The following DDX23 variants were observed in gnomAD, a reference collection of about 807,000 sequenced individuals.
DDX23 encodes the protein probable ATP-dependent RNA helicase DDX23.
Under a neutral mutation model 102.7 loss-of-function variants are expected in DDX23, and 33 were observed. The ratio of observed to expected loss-of-function variants is 0.32; its 90% CI spans 0.24 to 0.43. The LOEUF (loss-of-function observed/expected upper bound fraction) is 0.43, where lower values mean the gene tolerates loss of function less well. Among genes scored for constraint, DDX23 ranks in the 20% least tolerant of loss-of-function variants. The pLI, the probability that DDX23 is intolerant of heterozygous loss-of-function variation, is 1.00. For synonymous variants in DDX23, 352 were observed against 376.0 expected, an observed-to-expected ratio of 0.94 and a Z score of 0.74; for missense variants, 549 against 1,086.6, an observed-to-expected ratio of 0.51 and a Z score of 6.96.
At chr12:48,831,829 T>C (rs1938392334) in intron 15 of DDX23, 1 of 555,878 alleles carries the variant, frequency 1.8e-6, no homozygotes, top group South Asian at 2.3e-5. Flanking sequence ...AACCTTTCCC[T>C]GGCTCCACCT....
At chr12:48,842,288 G>C (rs188792745) in intron 3 of DDX23, among the ~76,000 whole-genome samples, 9,773 of 65,526 alleles carry the variant, frequency 0.15, 955 homozygotes, top group East Asian at 0.62. Flanking sequence ...GTCAGCCCCC[G>C]GCCCGGCCAG....
rs1365771770 is a variant in DDX23 at position 48,832,053 on chromosome 12, C to A, written c.2064+25G>T. On this transcript the variant is annotated intron_variant, in intron 15 of 16. Transcript: ENST00000308025. The surrounding 1 kb of genome is among the most constrained non-coding windows in gnomAD (Gnocchi z 4.4). The stretch of plus-strand genomic sequence containing the variant: ...AGAAAGCAGTGCCACAGAGGCTAGA[C>A]TTTGTTCTCCCCTGCCAGACACACC... 1 of 1,608,940 alleles carries A rather than the reference C, an allele frequency of 6.2e-7. No homozygotes were observed. Among genetic ancestry groups the A allele is most frequent in the Non-Finnish European group, 8.5e-7 (1 of 1,175,722 alleles).
chr12:48,837,401 G>A lies in DDX23; in HGVS notation c.754-8C>T, dbSNP rs1938480076. The A allele has an allele frequency of 6.2e-7, 1 of 1,614,030 alleles. No homozygotes were observed. The highest frequency in any genetic ancestry group is 1.7e-5 in the Admixed American group (1 of 60,004). On this transcript the variant is annotated splice_polypyrimidine_tract_variant and splice_region_variant and intron_variant, in intron 7 of 16. Transcript: ENST00000308025. ...GCCACCCAGGTAACGCTCCTACCCA[G>A]GGACAGAACACAAAGCACATGAGCT...
At chr12:48,843,799 C>A in intron 3 of DDX23, 141 bp downstream of exon 3, 1 of 805,908 alleles carries the variant, frequency 1.2e-6, no homozygotes, top group Non-Finnish European at 2.0e-6. Flanking sequence ...CCACCAGCCT[C>A]AGCCTCCCAA....
chr12:48,834,822 T>TA (rs1938442714), intron 11 of DDX23: 2 of 212,372 alleles, frequency 9.4e-6, no homozygotes, highest in Non-Finnish European at 1.9e-5. Flanking sequence ...TAATACCAGC[T>TA]ACTCGGGAGG....
At position 48,834,331 on chromosome 12, in the gene DDX23, T is replaced by C. The variant is rs918946405; in HGVS notation, c.1549A>G (p.Met517Val). Residue 517 changes from methionine (M) to valine (V), a missense_variant, in exon 12 of 17, where the codon ATG becomes GTG. Transcript: ENST00000308025. ...ATAGAAAAACAAACCTCACAACCCATGCGCAGCCTGAAGCCCTGGTCTTCT... is the reference window on the plus strand; with the variant it reads ...ATAGAAAAACAAACCTCACAACCCACGCGCAGCCTGAAGCCCTGGTCTTCT... The part of the protein sequence containing the change: ...SREDQGFRLR[M>V]GCEIVIATPG... 1.2e-6 allele frequency: 2 copies of C among 1,613,548 alleles called. No individual in the cohort carries two copies. The highest frequency in any genetic ancestry group is 2.7e-5 in the African/African-American group (2 of 75,008).
At chr12:48,839,684 G>C in intron 5 of DDX23, 160 bp downstream of exon 5, 1 of 677,046 alleles carries the variant, frequency 1.5e-6, no homozygotes, top group Non-Finnish European at 2.5e-6. Flanking sequence ...TATAAGCCAA[G>C]GAGAGAGACC....
chr12:48,842,318 A>G (rs1425200674), intron 3 of DDX23, among the ~76,000 whole-genome samples: 3 of 116,462 alleles, frequency 2.6e-5, no homozygotes, highest in African/African-American at 6.8e-5. Context: ...CCGGGAGGTG[A>G]GGGGCGCCTC....
Position 48,839,803 on chromosome 12 carries a change from T to C in DDX23, c.480+41A>G, listed in dbSNP as rs367723823. On this transcript the variant is annotated intron_variant, in intron 5 of 16. Coordinates refer to ENST00000308025, the MANE Select transcript of DDX23 (RefSeq NM_004818.3). ...TCACCCAGTCTGTGGTATTGTGTTA[T>C]GGCAGCCTGAGCCGATGAATGAAGA... 9.3e-6 allele frequency: 15 copies of C among 1,604,732 alleles called. 1 individual carries two copies. The highest frequency in any genetic ancestry group is 6.7e-5 in the African/African-American group (5 of 74,804).
intron 5 of DDX23, 27 bp downstream of exon 5, chr12:48,839,817 G>A (rs368093816): frequency 2.0e-5 from 32 of 1,611,572 alleles, no homozygotes; most frequent in Non-Finnish European, 2.4e-5. Context: ...AGCCTGAGCC[G>A]ATGAATGAAG....
chr12:48,836,520 C>T lies in DDX23; in HGVS notation c.1236+49G>A, dbSNP rs1324381786. On this transcript the variant is annotated intron_variant, in intron 10 of 16. Transcript: ENST00000308025. The surrounding 1 kb of genome is among the most constrained non-coding windows in gnomAD (Gnocchi z 6.1). Reference sequence around the variant, plus strand: ...AGGAACAAAGTTCTCTATTCCCAAACTAGTGTAGGAACATGTCAGATCTCT... The same window carrying T: ...AGGAACAAAGTTCTCTATTCCCAAATTAGTGTAGGAACATGTCAGATCTCT... The T allele has an allele frequency of 6.4e-7, 1 of 1,564,310 alleles. No individual in the cohort carries two copies. The highest frequency in any genetic ancestry group is 1.7e-5 in the Admixed American group (1 of 59,030).
At chr12:48,838,545 A>G (rs1374149145) in intron 5 of DDX23, among the ~76,000 whole-genome samples, 2 of 149,448 alleles carry the variant, frequency 1.3e-5, no homozygotes, top group African/African-American at 4.9e-5. Flanking sequence ...GCAAGACCTT[A>G]CCTTTAAAAA....
In DDX23 at chr12:48,836,392, G is replaced by A. The variant is rs1592200774; in HGVS notation, c.1237-126C>T. The A allele has an allele frequency of 1.5e-6, 2 of 1,313,550 alleles. No individual in the cohort carries two copies. The highest frequency in any genetic ancestry group is 4.6e-5 in the East Asian group (2 of 43,102). 81.4% of individuals were successfully genotyped at this position (1,313,550 alleles called of 1,614,324 possible). A position where few individuals can be genotyped will look rare whatever the true frequency, so the allele number is the denominator to read the frequency against. On this transcript the variant is annotated intron_variant, in intron 10 of 16. Transcript: ENST00000308025. This position sits in a 1 kb window ranked among gnomAD's most constrained non-coding sequence, Gnocchi z 6.1. ...GCCAAGTACAGTTCACAGAAATAGGGACCCCAAGAAGAAACCTAATCACTA... is the reference window on the plus strand; with the variant it reads ...GCCAAGTACAGTTCACAGAAATAGGAACCCCAAGAAGAAACCTAATCACTA...
rs757496748 is a variant in DDX23, at chr12:48,836,785, G to T, written c.1020C>A (p.Leu340=). 4 of 1,614,038 alleles carry T rather than the reference G, an allele frequency of 2.5e-6. No homozygotes were observed. Among genetic ancestry groups the T allele is most frequent in the South Asian group, 2.2e-5 (2 of 91,078 alleles). The change falls in exon 10 of 17, where the codon CTC becomes CTA. Residue 340 remains leucine (L), a synonymous_variant. Coordinates refer to ENST00000308025, the MANE Select transcript of DDX23 (RefSeq NM_004818.3). The surrounding 1 kb of genome is among the most constrained non-coding windows in gnomAD (Gnocchi z 6.1). ...LEEKEQEEAR[L]RKLRKKEAKQ... The stretch of plus-strand genomic sequence containing the variant: ...TGGCTTCCTTCTTACGAAGTTTGCG[G>T]AGTCTTGCCCTGGAGCAGGGTGTGA...
intron 11 of DDX23, chr12:48,835,331 G>A (rs1367673362): frequency 6.5e-6 from 1 of 154,624 alleles, no homozygotes. Context: ...CCAGCACTTT[G>A]GGAGGCCAAG....
intron 1 of DDX23, among the ~76,000 whole-genome samples, chr12:48,851,247 G>A (rs968040404): frequency 2.6e-5 from 4 of 152,290 alleles, no homozygotes; most frequent in South Asian, 4.1e-4. Flanking sequence ...CGAGACAGGT[G>A]GATTGCCTGA....
At position 48,836,653 on chromosome 12, in the gene DDX23, G is replaced by T; in HGVS notation, c.1152C>A (p.Gly384=). Residue 384 remains glycine, a synonymous_variant, in exon 10 of 17, where the codon GGC becomes GGA. Transcript: ENST00000308025. This position sits in a 1 kb window ranked among gnomAD's most constrained non-coding sequence, Gnocchi z 6.1. ...REDYSITTKG[G]KIPNPIRSWK... ...AGGATCGGATGGGATTGGGGATCTT[G>T]CCACCTTTGGTGGTGATGCTGTAGT... The T allele has an allele frequency of 1.9e-6, 3 of 1,614,166 alleles. No individual in the cohort carries two copies. The highest frequency in any genetic ancestry group is 2.5e-6 in the Non-Finnish European group (3 of 1,180,024).
chr12:48,831,285 C>A lies in DDX23; in HGVS notation c.2096G>T (p.Gly699Val). 1 of 1,614,206 alleles carries A rather than the reference C, an allele frequency of 6.2e-7. No homozygotes were observed. The highest frequency in any genetic ancestry group is 8.5e-7 in the Non-Finnish European group (1 of 1,180,040). Residue 699 changes from glycine (G) to valine (V), a missense_variant, in exon 16 of 17, where the codon GGC becomes GTC. Physicochemically the swap from Gly to Val is moderately radical, Grantham distance 109 (BLOSUM62 -3). Transcript: ENST00000308025. ...YNACTLHGGK[G>V]QEQREFALSN... ...CAACGCAAACTCTCGCTGCTCCTGGCCTTTTCCACCGTGCAGTGTGCAAGC... is the reference window on the plus strand; with the variant it reads ...CAACGCAAACTCTCGCTGCTCCTGGACTTTTCCACCGTGCAGTGTGCAAGC...
At chr12:48,842,535 C>T (rs1165980700) in intron 3 of DDX23, among the ~76,000 whole-genome samples, 8 of 137,648 alleles carry the variant, frequency 5.8e-5, no homozygotes, top group South Asian at 2.3e-4. Context: ...CCGCCCCGTC[C>T]GGGAGGGAGG....
Sources: gnomAD v4.1 joint callset for allele counts (sites outside exome capture counted in the v4.1 genomes callset) on GRCh38, gnomAD v4.1.1 for gene constraint, Gnocchi (gnomAD v3.1) non-coding constraint, MANE v1.5 for transcripts, NCBI Gene and HGNC (gene_info 2026-07-23, HGNC 2026-07-21) for gene names.